Variants in CASR observed in about 807,000 individuals in gnomAD.
The protein encoded by CASR is calcium sensing receptor.
In CASR, 23 loss-of-function variants were observed where a neutral mutation model predicts 69.1. The ratio of observed to expected loss-of-function variants is 0.33; its 90% CI spans 0.24 to 0.47. The LOEUF is 0.47. Ranked by LOEUF, CASR falls within the 20% of genes least tolerant of loss-of-function variation. The probability of loss-of-function intolerance (pLI) is 1.00; values close to 1 mark genes in which losing one functional copy is unlikely to be tolerated. For synonymous variants in CASR, 541 were observed against 544.7 expected, an observed-to-expected ratio of 0.99 and a Z score of 0.10; for missense variants, 924 against 1,356.1, an observed-to-expected ratio of 0.68 and a Z score of 5.00.
chr3:122,254,404 C>T (rs202129996), intron 2 of CASR, 30 bp downstream of exon 2: 1 of 1,603,072 alleles, frequency 6.2e-7, no homozygotes, highest in African/African-American at 1.3e-5. Context: ...CTGCCAATCT[C>T]TTCTCTTCTG....
intron 2 of CASR, 56 bp downstream of exon 2, chr3:122,254,430 G>T (rs1576852423): frequency 2.6e-6 from 4 of 1,538,990 alleles, no homozygotes; most frequent in East Asian, 4.5e-5. Context: ...TTGGAGAAAA[G>T]CTGCACCAAA....
intron 4 of CASR, among the ~76,000 whole-genome samples, chr3:122,267,291 G>A (rs755948079): frequency 1.3e-5 from 2 of 152,188 alleles, no homozygotes; most frequent in Non-Finnish European, 2.9e-5. Flanking sequence ...GACTTGGTAA[G>A]CATAATAATT....
intron 1 of CASR, among the ~76,000 whole-genome samples, chr3:122,253,115 C>G (rs2074515608): frequency 6.6e-6 from 1 of 152,164 alleles, no homozygotes; most frequent in South Asian, 2.1e-4. Flanking sequence ...TGTCATATTA[C>G]AAACTGAAAC....
At chr3:122,257,032 T>C (rs763970114) in intron 2 of CASR, 49 bp from the exon 3 acceptor site, 3 of 1,531,166 alleles carry the variant, frequency 2.0e-6, no homozygotes, top group African/African-American at 2.7e-5. Flanking sequence ...TACTCTAAAG[T>C]CGTTGACTAG....
intron 1 of CASR, among the ~76,000 whole-genome samples, chr3:122,227,525 C>T (rs1470041342): frequency 2.0e-5 from 3 of 152,178 alleles, no homozygotes; most frequent in Non-Finnish European, 4.4e-5. Context: ...CCGCAAGCAC[C>T]GTGTGCAGCC....
intron 1 of CASR, among the ~76,000 whole-genome samples, chr3:122,227,036 G>A (rs1188217522): frequency 6.6e-6 from 1 of 152,196 alleles, no homozygotes; most frequent in Non-Finnish European, 1.5e-5. Context: ...GGTGCTGATT[G>A]GTGTGTTTAC....
rs182365088 is a variant in CASR, at chr3:122,250,201, G to T, written c.-242-3747G>T. Among the ~76,000 whole-genome samples, 5 of 152,254 alleles carry T rather than the reference G, an allele frequency of 3.3e-5. No homozygotes were observed. The East Asian group carries it at 9.6e-4, about 29-fold the overall frequency. ...GAATCACAGGACCAGGAGACTGGATGTTGGAGGACAGGGAGATGGAGGATC... is the reference window on the plus strand; with the variant it reads ...GAATCACAGGACCAGGAGACTGGATTTTGGAGGACAGGGAGATGGAGGATC... On this transcript the variant is annotated intron_variant, in intron 1 of 6. Coordinates refer to ENST00000639785, the MANE Select transcript of CASR (RefSeq NM_000388.4).
chr3:122,202,174 C>T (rs1445617477), intron 1 of CASR, among the ~76,000 whole-genome samples: 10 of 152,186 alleles, frequency 6.6e-5, no homozygotes, highest in African/African-American at 9.7e-5. Flanking sequence ...CCCGGCACCT[C>T]GGGAGGCCAA....
intron 2 of CASR, among the ~76,000 whole-genome samples, chr3:122,254,635 G>A (rs562891448): frequency 1.7e-4 from 26 of 152,210 alleles, no homozygotes; most frequent in Non-Finnish European, 2.8e-4. Context: ...TGGTGACCAA[G>A]TTATCATCGT....
At chr3:122,283,487 A>G (rs2074917930) in intron 6 of CASR, among the ~76,000 whole-genome samples, 200 bp from the exon 7 acceptor site, 1 of 152,246 alleles carries the variant, frequency 6.6e-6, no homozygotes, top group South Asian at 2.1e-4. Context: ...CATCAGAGTT[A>G]CATGAAATTA....
At chr3:122,232,099 A>C (rs750304063) in intron 1 of CASR, among the ~76,000 whole-genome samples, 3 of 152,220 alleles carry the variant, frequency 2.0e-5, no homozygotes, top group Non-Finnish European at 4.4e-5. Context: ...CTTTCCTTGC[A>C]ACTGGACTGT....
intron 1 of CASR, among the ~76,000 whole-genome samples, chr3:122,244,622 G>A (rs889459673): frequency 6.6e-6 from 1 of 152,150 alleles, no homozygotes; most frequent in African/African-American, 2.4e-5. Context: ...TGACTCTAGG[G>A]AGGCATGAGT....
intron 1 of CASR, among the ~76,000 whole-genome samples, chr3:122,208,032 A>G (rs2074025788): frequency 6.6e-6 from 1 of 152,146 alleles, no homozygotes; most frequent in South Asian, 2.1e-4. Flanking sequence ...CAAAAGTAGT[A>G]CTAAGAAGGG....
intron 1 of CASR, among the ~76,000 whole-genome samples, chr3:122,231,289 C>T (rs4300957): frequency 0.16 from 24,633 of 152,144 alleles, 2,066 homozygotes; most frequent in Non-Finnish European, 0.18. Flanking sequence ...GGCCATCCCA[C>T]GAGTGGGCTA....
At chr3:122,245,823 C>A (rs926397667) in intron 1 of CASR, among the ~76,000 whole-genome samples, 1 of 152,102 alleles carries the variant, frequency 6.6e-6, no homozygotes, top group Non-Finnish European at 1.5e-5. Context: ...CAATTTTGTG[C>A]ACCTGCGGTC....
chr3:122,265,239 A>G (rs976728324), intron 4 of CASR, among the ~76,000 whole-genome samples: 1 of 152,240 alleles, frequency 6.6e-6, no homozygotes, highest in Non-Finnish European at 1.5e-5. Flanking sequence ...TGACTGAAAT[A>G]GACACTTATT....
At chr3:122,253,249 C>CT (rs1553765757) in intron 1 of CASR, among the ~76,000 whole-genome samples, 1 of 152,122 alleles carries the variant, frequency 6.6e-6, no homozygotes, top group Non-Finnish European at 1.5e-5. Context: ...TATTTTCTTT[C>CT]TTTTTTTCTG....
At chr3:122,257,558 T>G in intron 3 of CASR, 171 bp downstream of exon 3, 1 of 589,484 alleles carries the variant, frequency 1.7e-6, no homozygotes, top group Non-Finnish European at 3.0e-6. Context: ...GAAACTCCAG[T>G]GTCCACAATA....
chr3:122,227,591 C>G (rs944316987), intron 1 of CASR, among the ~76,000 whole-genome samples: 1 of 152,232 alleles, frequency 6.6e-6, no homozygotes, highest in Non-Finnish European at 1.5e-5. Flanking sequence ...AGCGAACAGG[C>G]TCTAGCCTTG....
Sources: gnomAD v4.1 joint callset for allele counts (sites outside exome capture counted in the v4.1 genomes callset) on GRCh38, gnomAD v4.1.1 for gene constraint, MANE v1.5 for transcripts, NCBI Gene and HGNC (gene_info 2026-07-23, HGNC 2026-07-21) for gene names.